PROM1: variants seen among roughly 807,000 people sequenced by gnomAD.
PROM1 encodes the protein prominin-1.
A neutral mutation model predicts 116.9 loss-of-function variants in PROM1; 105 were observed. That is an observed-to-expected ratio of 0.90 (90% CI 0.77 to 1.06). PROM1 has a LOEUF of 1.06. PROM1 is among the 50% of genes least tolerant of loss of function. The pLI is 0.00. For synonymous variants in PROM1, 393 were observed against 387.0 expected (o/e 1.02, Z -0.18); for missense variants, 1,122 against 1,045.2 (o/e 1.07, Z -1.01).
At chr4:16,067,447 C>T (rs371047014) in intron 2 of PROM1, among the ~76,000 whole-genome samples, 74 of 152,340 alleles carry the variant, frequency 4.9e-4, no homozygotes, top group East Asian at 2.1e-3. Flanking sequence ...AATGAGATAA[C>T]AGCAGTTAGC....
chr4:15,985,801 T>A lies in PROM1; in HGVS notation c.2239A>T (p.Ile747Leu). 1 of 1,334,548 alleles carries A rather than the reference T, an allele frequency of 7.5e-7. No homozygotes were observed. The highest frequency in any genetic ancestry group is 9.9e-7 in the Non-Finnish European group (1 of 1,007,190). 82.7% of individuals were successfully genotyped at this position (1,334,548 alleles called of 1,614,324 possible). A position where few individuals can be genotyped will look rare whatever the true frequency, so the allele number is the denominator to read the frequency against. ...TGCAGATAATGTTCAAAATATCCTA[T>A]TATTGTTCTCCCATACTTCTTAGTT... is the stretch of plus-strand genomic sequence containing the variant. Reference protein sequence around the residue: ...EETKKYGRTIIGYFEHYLQWI... With the variant: ...EETKKYGRTILGYFEHYLQWI... Residue 747 changes from isoleucine to leucine, a missense_variant, in exon 22 of 28, where the codon ATA (isoleucine) becomes TTA (leucine). Physicochemically the swap from Ile to Leu is conservative, Grantham distance 5 (BLOSUM62 2). Transcript: ENST00000447510.
chr4:16,018,596 A>G, intron 8 of PROM1, 56 bp from the exon 9 acceptor site: 1 of 1,489,592 alleles, frequency 6.7e-7, no homozygotes, highest in Non-Finnish European at 9.2e-7. Context: ...CTCATCTACA[A>G]AAGTGTGTCT....
chr4:16,072,252 AG>A (rs1183675341), intron 2 of PROM1, among the ~76,000 whole-genome samples: 1 of 152,202 alleles, frequency 6.6e-6, no homozygotes, highest in African/African-American at 2.4e-5. Flanking sequence ...GGATACAAGA[AG>A]GGTTTCTCTT....
chr4:16,006,632 G>C lies in PROM1; in HGVS notation c.1360C>G (p.Leu454Val), dbSNP rs773231426. ...LLTLIVIFYY[L>V]GLLCGVCGYD... ...CCGCACACGCCACACAGTAAGCCCA[G>C]GTAGTAAAAAATCACGATGAGGGTC... is the stretch of plus-strand genomic sequence containing the variant. Residue 454 changes from leucine to valine, a missense_variant, in exon 13 of 28, where the codon CTG becomes GTG. By Grantham distance (32) the Leu-to-Val change is conservative (BLOSUM62 1). Coordinates refer to ENST00000447510, the MANE Select transcript of PROM1 (RefSeq NM_006017.3). 5 of 1,612,572 alleles carry C rather than the reference G, an allele frequency of 3.1e-6. No homozygotes were observed. In the Admixed American group the frequency reaches 6.7e-5, roughly 22 times the overall value.
intron 2 of PROM1, among the ~76,000 whole-genome samples, chr4:16,073,409 A>G (rs755691721): frequency 2.0e-5 from 3 of 152,186 alleles, no homozygotes; most frequent in Non-Finnish European, 4.4e-5. Context: ...TGTGAAATGC[A>G]TTGGCCCCAA....
In PROM1 at chr4:16,000,038, C is replaced by T. The variant is rs147567084; in HGVS notation, c.1578+458G>A. 5.3e-5 allele frequency among the ~76,000 whole-genome samples: 8 copies of T among 152,318 alleles called. No individual in the cohort carries two copies. In the South Asian group the frequency reaches 6.2e-4, roughly 12 times the overall value. The stretch of plus-strand genomic sequence containing the variant: ...CGTGTGCCAGGTCAGCCCTCTGCCA[C>T]GAGTCATCCGCTTATCAGTCTCTTT... On this transcript the variant is annotated intron_variant, in intron 14 of 27. Coordinates refer to ENST00000447510, the MANE Select transcript of PROM1 (RefSeq NM_006017.3).
At chr4:16,012,084 C>T (rs565073843) in intron 11 of PROM1, among the ~76,000 whole-genome samples, 43 of 152,252 alleles carry the variant, frequency 2.8e-4, no homozygotes, top group Admixed American at 1.2e-3. Context: ...GCAACCTCCT[C>T]CTCCTGGGTT....
At chr4:15,991,828 C>T (rs1422685274) in intron 17 of PROM1, among the ~76,000 whole-genome samples, 4 of 149,092 alleles carry the variant, frequency 2.7e-5, no homozygotes, top group Non-Finnish European at 4.4e-5. Context: ...CCCAGCCACT[C>T]GGGAGGCTGA....
chr4:16,067,493 C>T (rs986375081), intron 2 of PROM1, among the ~76,000 whole-genome samples: 3 of 152,194 alleles, frequency 2.0e-5, no homozygotes, highest in Non-Finnish European at 2.9e-5. Context: ...TCCCTGAAAG[C>T]GGGCACACAG....
chr4:15,994,199 C>A, intron 15 of PROM1, 128 bp from the exon 16 acceptor site: 1 of 1,494,528 alleles, frequency 6.7e-7, no homozygotes. Flanking sequence ...AGTGGGGCTG[C>A]ATGTCCCCAG....
At chr4:16,038,512 C>G (rs1185646695) in intron 3 of PROM1, among the ~76,000 whole-genome samples, 1 of 152,190 alleles carries the variant, frequency 6.6e-6, no homozygotes, top group East Asian at 1.9e-4. Flanking sequence ...AAGCGATTCT[C>G]CTGCCTCAGC....
At chr4:16,056,721 T>C (rs77385303) in intron 2 of PROM1, among the ~76,000 whole-genome samples, 14,385 of 151,598 alleles carry the variant, frequency 0.095, 969 homozygotes, top group South Asian at 0.19. Flanking sequence ...GCAAAGGGAA[T>C]AGGCAGAGAA....
At chr4:16,002,821 C>T (rs562210498) in intron 13 of PROM1, among the ~76,000 whole-genome samples, 52 of 152,256 alleles carry the variant, frequency 3.4e-4, no homozygotes, top group African/African-American at 1.2e-3. Flanking sequence ...CCTTTATTTT[C>T]TAAATATGCA....
At chr4:16,054,833 T>C (rs1738628814) in intron 2 of PROM1, among the ~76,000 whole-genome samples, 1 of 152,010 alleles carries the variant, frequency 6.6e-6, no homozygotes, top group African/African-American at 2.4e-5. Context: ...ACCCTCCCTA[T>C]AATGGTCAGT....
chr4:16,024,141 C>T (rs148874028), intron 7 of PROM1, among the ~76,000 whole-genome samples, 154 bp downstream of exon 7: 407 of 152,290 alleles, frequency 2.7e-3, no homozygotes, highest in Admixed American at 3.6e-3. Flanking sequence ...AGATTCTAAT[C>T]GCTGAGTAAC....
At chr4:15,986,810 C>T (rs1201658158) in intron 20 of PROM1, among the ~76,000 whole-genome samples, 1 of 152,192 alleles carries the variant, frequency 6.6e-6, no homozygotes, top group African/African-American at 2.4e-5. Flanking sequence ...TGATGTTGGT[C>T]TCACTGAGAA....
chr4:16,049,737 T>C, intron 2 of PROM1, among the ~76,000 whole-genome samples: 1 of 151,494 alleles, frequency 6.6e-6, no homozygotes, highest in East Asian at 1.9e-4. Context: ...ATATAAGATA[T>C]GTATATATAG....
chr4:16,059,736 T>G (rs1313095569), intron 2 of PROM1, among the ~76,000 whole-genome samples: 2 of 152,132 alleles, frequency 1.3e-5, no homozygotes, highest in Non-Finnish European at 2.9e-5. Context: ...GGCAATTCTA[T>G]TTCTAGGAGT....
chr4:16,064,166 G>C (rs1235115881), intron 2 of PROM1, among the ~76,000 whole-genome samples: 4 of 152,132 alleles, frequency 2.6e-5, no homozygotes. Context: ...AAAACACATA[G>C]GAAAAATCTT....
Sources: allele counts gnomAD v4.1 joint callset (sites outside exome capture counted in the v4.1 genomes callset), GRCh38; gene constraint gnomAD v4.1.1; transcripts MANE v1.5; gene names NCBI Gene and HGNC (gene_info 2026-07-23, HGNC 2026-07-21).